The following PITPNM2 variants were observed in gnomAD, a reference collection of about 807,000 sequenced individuals.
The protein encoded by PITPNM2 is phosphatidylinositol transfer protein membrane associated 2, also known as membrane-associated phosphatidylinositol transfer protein 2.
Under a neutral mutation model 132.2 loss-of-function variants are expected in PITPNM2, and 35 were observed. That is an observed-to-expected ratio of 0.26 (90% CI 0.20 to 0.35). PITPNM2 has a LOEUF of 0.35. Ranked by LOEUF, PITPNM2 falls within the 10% of genes least tolerant of loss-of-function variation. The probability of loss-of-function intolerance (pLI) is 1.00; values close to 1 mark genes in which losing one functional copy is unlikely to be tolerated. For synonymous variants in PITPNM2, 738 were observed against 799.2 expected (o/e 0.92, Z 1.29); for missense variants, 1,332 against 1,912.0 (o/e 0.70, Z 5.66).
chr12:123,131,297 GACA>G (rs2043256496), intron 1 of PITPNM2, among the ~76,000 whole-genome samples: 1 of 152,146 alleles, frequency 6.6e-6, no homozygotes, highest in African/African-American at 2.4e-5. Context: ...ACAACCATGT[GACA>G]ACTTAGGCAG....
chr12:123,061,064 T>G (rs1178569736), intron 2 of PITPNM2, among the ~76,000 whole-genome samples: 1 of 151,728 alleles, frequency 6.6e-6, no homozygotes, highest in African/African-American at 2.4e-5. Flanking sequence ...ACCCATGCAT[T>G]CATCCACCCA....
At chr12:122,997,237 C>G in intron 11 of PITPNM2, 88 bp downstream of exon 11, 1 of 1,575,478 alleles carries the variant, frequency 6.3e-7, no homozygotes, top group Non-Finnish European at 8.6e-7. Context: ...GGGCAGGAGT[C>G]CTGAAACTGG....
At chr12:123,002,374 C>A (rs1023212062) in intron 8 of PITPNM2, among the ~76,000 whole-genome samples, 7 of 152,210 alleles carry the variant, frequency 4.6e-5, no homozygotes, top group African/African-American at 1.7e-4. Context: ...AAAAATGCTA[C>A]ATTTACTTTA....
intron 4 of PITPNM2, 122 bp downstream of exon 4, chr12:123,013,706 G>T (rs7305511): frequency 0.66 from 735,018 of 1,118,896 alleles, 251,992 homozygotes; most frequent in Non-Finnish European, 0.7. Flanking sequence ...GGGTTCCCTG[G>T]GGTTATGGGT....
In PITPNM2 at chr12:123,108,879, C is replaced by T. The variant is rs2042777457; in HGVS notation, c.-96+1506G>A. On this transcript the variant is annotated intron_variant, in intron 2 of 25. Transcript: ENST00000320201. The surrounding 1 kb of genome is among the most constrained non-coding windows in gnomAD (Gnocchi z 4.4). The stretch of plus-strand genomic sequence containing the variant: ...TTACCCGAGATCAGACAGCAAGTAA[C>T]AGTTGAGCCTGGGCTGAACCAAGGG... Among the ~76,000 whole-genome samples the T allele has an allele frequency of 6.6e-6, 1 of 152,172 alleles. No individual in the cohort carries two copies. Among genetic ancestry groups the T allele is most frequent in the Admixed American group, 6.5e-5 (1 of 15,272 alleles).
chr12:123,068,264 G>A (rs1454319016), intron 2 of PITPNM2, among the ~76,000 whole-genome samples: 1 of 151,948 alleles, frequency 6.6e-6, no homozygotes, highest in African/African-American at 2.4e-5. Flanking sequence ...TCAGGAGATC[G>A]AGAACATCCT....
Position 122,986,505 on chromosome 12 carries a change from G to T in PITPNM2, c.3657C>A (p.Ala1219=), listed in dbSNP as rs1353016158. The change falls in exon 25 of 26, where the codon GCC becomes GCA. Residue 1219 remains alanine (A), a synonymous_variant. Transcript: ENST00000320201. ...GSTKDVAVYS[A]ISLSPMQIYI... The stretch of plus-strand genomic sequence containing the variant: ...AGATCTGCATGGGGGACAGGCTAAT[G>T]GCGCTGTACACCGCCACGTCCTTGG... The T allele has an allele frequency of 6.3e-7, 1 of 1,593,022 alleles. No homozygotes were observed. The highest frequency in any genetic ancestry group is 2.3e-5 in the East Asian group (1 of 43,936).
intron 1 of PITPNM2, among the ~76,000 whole-genome samples, chr12:123,140,789 A>G (rs1247251577): frequency 6.6e-6 from 1 of 151,994 alleles, no homozygotes; most frequent in African/African-American, 2.4e-5. Flanking sequence ...ACAACTTCAC[A>G]AGTAGGTCCA....
chr12:123,125,623 T>A (rs1288293195), intron 1 of PITPNM2, among the ~76,000 whole-genome samples: 2 of 151,606 alleles, frequency 1.3e-5, no homozygotes, highest in African/African-American at 4.8e-5. Flanking sequence ...GGGGGGCGGA[T>A]CACGAGGTCA....
At chr12:123,123,102 G>A (rs989120517) in intron 1 of PITPNM2, among the ~76,000 whole-genome samples, 2 of 152,198 alleles carry the variant, frequency 1.3e-5, no homozygotes, top group Non-Finnish European at 1.5e-5. Flanking sequence ...AGCACTGTTT[G>A]CTTCCCATCT....
Position 122,986,511 on chromosome 12 carries a change from G to T in PITPNM2, c.3651C>A (p.Tyr1217Ter), listed in dbSNP as rs745486155. 6.3e-7 allele frequency: 1 copy of T among 1,595,410 alleles called. No individual in the cohort carries two copies. Among genetic ancestry groups the T allele is most frequent in the Non-Finnish European group, 8.5e-7 (1 of 1,170,758 alleles). Residue 1217 changes from tyrosine (Y) to a stop codon, truncating the protein, a stop_gained, in exon 25 of 26, where the codon TAC becomes TAA. Coordinates refer to ENST00000320201, the MANE Select transcript of PITPNM2 (RefSeq NM_020845.3). LOFTEE classifies it high-confidence loss of function. ...AYGSTKDVAVYSAISLSPMQI... is the reference protein window; with the variant it reads ...AYGSTKDVAV ...GCATGGGGGACAGGCTAATGGCGCT[G>T]TACACCGCCACGTCCTTGGTGGAGC...
chr12:123,029,106 T>C (rs2136401168), intron 3 of PITPNM2, among the ~76,000 whole-genome samples: 1 of 152,268 alleles, frequency 6.6e-6, no homozygotes, highest in Middle Eastern at 3.4e-3. Flanking sequence ...TGGCACCTCC[T>C]GGTCCTCTCC....
intron 1 of PITPNM2, among the ~76,000 whole-genome samples, chr12:123,113,657 C>T (rs1023248330): frequency 6.6e-6 from 1 of 152,162 alleles, no homozygotes; most frequent in African/African-American, 2.4e-5. Context: ...ACTGTGATCA[C>T]ACCACTGCAC....
At chr12:123,047,947 A>G (rs550771824) in intron 2 of PITPNM2, among the ~76,000 whole-genome samples, 1 of 152,256 alleles carries the variant, frequency 6.6e-6, no homozygotes, top group South Asian at 2.1e-4. Context: ...AAAAATACAA[A>G]AATTAGCCAG....
chr12:123,062,771 G>C (rs1027226392), intron 2 of PITPNM2, among the ~76,000 whole-genome samples: 7 of 152,294 alleles, frequency 4.6e-5, no homozygotes, highest in Admixed American at 1.3e-4. Flanking sequence ...AAAAGTGTCT[G>C]GTTTTCAGTG....
intron 2 of PITPNM2, among the ~76,000 whole-genome samples, chr12:123,094,252 G>A (rs978182605): frequency 6.6e-6 from 1 of 152,236 alleles, no homozygotes; most frequent in African/African-American, 2.4e-5. Flanking sequence ...TGACCAAGGT[G>A]ACAGGTCTGC....
chr12:123,114,950 G>C (rs1040760552), intron 1 of PITPNM2, among the ~76,000 whole-genome samples: 2 of 152,176 alleles, frequency 1.3e-5, no homozygotes, highest in African/African-American at 4.8e-5. Flanking sequence ...CGAGATCCCT[G>C]CATGAGGGCC....
chr12:123,072,028 T>G (rs55736565), intron 2 of PITPNM2, among the ~76,000 whole-genome samples: 1,561 of 152,294 alleles, frequency 0.01, 15 homozygotes, highest in Non-Finnish European at 0.018. Flanking sequence ...AATTTACCCA[T>G]TCCCCATTCT....
intron 1 of PITPNM2, among the ~76,000 whole-genome samples, chr12:123,137,186 A>T (rs1400272873): frequency 6.6e-6 from 1 of 152,154 alleles, no homozygotes; most frequent in Non-Finnish European, 1.5e-5. Context: ...AAGGGGACAG[A>T]ACTACAGGAG....
Sources: gnomAD v4.1 joint callset for allele counts (sites outside exome capture counted in the v4.1 genomes callset) on GRCh38, gnomAD v4.1.1 for gene constraint, Gnocchi (gnomAD v3.1) non-coding constraint, MANE v1.5 for transcripts, NCBI Gene and HGNC (gene_info 2026-07-23, HGNC 2026-07-21) for gene names.